Variants in TMOD3 observed in about 807,000 individuals in gnomAD.
TMOD3 encodes tropomodulin 3.
TMOD3 carries 20 observed loss-of-function variants against 39.2 expected under a neutral mutation model. That is an observed-to-expected ratio of 0.51 (90% CI 0.36 to 0.74). The LOEUF is 0.74. Ranked by LOEUF, TMOD3 falls within the 30% of genes least tolerant of loss-of-function variation. The pLI is 0.00. For synonymous variants in TMOD3, 143 were observed against 145.8 expected (o/e 0.98, Z 0.14); for missense variants, 381 against 412.8 (o/e 0.92, Z 0.67).
intron 1 of TMOD3, among the ~76,000 whole-genome samples, chr15:51,852,622 C>A (rs2056368075): frequency 6.6e-6 from 1 of 152,010 alleles, no homozygotes; most frequent in African/African-American, 2.4e-5. Context: ...TTTTCAGCCC[C>A]CCCTTTAGTT....
chr15:51,861,906 G>A lies in TMOD3; in HGVS notation c.-74-905G>A, dbSNP rs903904278. ...GATTCACCTGCCTCGGACTCCCAAC[G>A]TTCTGGGATTACAGATGTGAGTCAC... On this transcript the variant is annotated intron_variant, in intron 1 of 9. Transcript: ENST00000308580. Among the ~76,000 whole-genome samples the A allele has an allele frequency of 9.2e-5, 14 of 152,164 alleles. No homozygotes were observed. In the South Asian group the frequency reaches 2.7e-3, roughly 29 times the overall value.
Position 51,893,907 on chromosome 15 carries a change from G to A in TMOD3, c.589G>A (p.Asp197Asn), listed in dbSNP as rs765284092. The A allele has an allele frequency of 3.2e-5, 51 of 1,607,662 alleles. No homozygotes were observed. The highest frequency in any genetic ancestry group is 4.0e-5 in the African/African-American group (3 of 74,730). Residue 197 changes from aspartate to asparagine, a missense_variant, in exon 6 of 10, where the codon GAT becomes AAT. Transcript: ENST00000308580. ...EESLKRTKENDAHLVEVNLNN... is the reference protein window; with the variant it reads ...EESLKRTKENNAHLVEVNLNN... ...GAGTTTGAAGAGAACTAAAGAAAACGATGCTCATCTTGTTGAAGTTAATTT... is the reference window on the plus strand; with the variant it reads ...GAGTTTGAAGAGAACTAAAGAAAACAATGCTCATCTTGTTGAAGTTAATTT...
intron 9 of TMOD3, among the ~76,000 whole-genome samples, 184 bp downstream of exon 9, chr15:51,902,220 G>A (rs184854430): frequency 2.7e-3 from 405 of 152,192 alleles, no homozygotes; most frequent in African/African-American, 9.3e-3. Context: ...TGATGATTGG[G>A]TCAATGGGTA....
At chr15:51,896,143 G>A (rs1179598755) in intron 6 of TMOD3, among the ~76,000 whole-genome samples, 1 of 152,054 alleles carries the variant, frequency 6.6e-6, no homozygotes, top group Non-Finnish European at 1.5e-5. Context: ...ATAATGAAAG[G>A]TGAGAATAAT....
intron 1 of TMOD3, 60 bp from the exon 2 acceptor site, chr15:51,862,751 A>T: frequency 1.4e-6 from 1 of 719,358 alleles, no homozygotes; most frequent in Non-Finnish European, 2.1e-6. Flanking sequence ...CCTGAGAATT[A>T]GATCTAAGTA....
chr15:51,900,387 G>A (rs1871422684), intron 8 of TMOD3, 89 bp downstream of exon 8: 5 of 1,466,668 alleles, frequency 3.4e-6, no homozygotes, highest in Non-Finnish European at 3.7e-6. Context: ...TGGGAGGCGG[G>A]CTGTCAGGGA....
chr15:51,902,115 T>C, intron 9 of TMOD3, 79 bp downstream of exon 9: 1 of 1,533,620 alleles, frequency 6.5e-7, no homozygotes, highest in Non-Finnish European at 8.9e-7. Flanking sequence ...CTCTTAAGAA[T>C]AAATTCTAAC....
intron 1 of TMOD3, among the ~76,000 whole-genome samples, chr15:51,839,128 T>C (rs1850697593): frequency 6.8e-6 from 1 of 147,796 alleles, no homozygotes; most frequent in South Asian, 2.1e-4. Flanking sequence ...GTTCCCTGCA[T>C]CTGGCAGATT....
Position 51,900,098 on chromosome 15 carries a change from ATATG to A in TMOD3, c.736-54_736-51del, listed in dbSNP as rs1272150904. 7 of 1,511,192 alleles carry A rather than the reference ATATG, an allele frequency of 4.6e-6. No individual in the cohort carries two copies. In the Admixed American group the frequency reaches 5.4e-5, roughly 12 times the overall value. The allele number at this position is 1,511,192 out of a possible 1,614,324, so 93.6% of individuals were successfully genotyped here. On this transcript the variant is annotated intron_variant, in intron 7 of 9. Coordinates refer to ENST00000308580, the MANE Select transcript of TMOD3 (RefSeq NM_014547.5). ...AATGTATTTATTTATGGCATGTACAATATGTAGTAGGTACTGTATCAAATTTTAA... is the reference window on the plus strand; with the variant it reads ...AATGTATTTATTTATGGCATGTACAATAGTAGGTACTGTATCAAATTTTAA...
intron 1 of TMOD3, among the ~76,000 whole-genome samples, chr15:51,852,162 C>T (rs1398837008): frequency 2.6e-5 from 4 of 152,040 alleles, no homozygotes; most frequent in African/African-American, 9.7e-5. Flanking sequence ...TAATTCATGG[C>T]GTAGGAAATG....
intron 3 of TMOD3, among the ~76,000 whole-genome samples, chr15:51,881,527 G>A (rs549469718): frequency 5.3e-5 from 8 of 150,224 alleles, no homozygotes; most frequent in Non-Finnish European, 1.2e-4. Flanking sequence ...TCAAGGTCAC[G>A]GAGATACAAT....
intron 7 of TMOD3, among the ~76,000 whole-genome samples, chr15:51,896,883 A>G (rs1340201353): frequency 6.6e-6 from 1 of 152,256 alleles, no homozygotes; most frequent in African/African-American, 2.4e-5. Flanking sequence ...GATTCCATTT[A>G]TGGATCCTTA....
chr15:51,906,609 T>C (rs1704477205), intron 9 of TMOD3, among the ~76,000 whole-genome samples: 1 of 152,248 alleles, frequency 6.6e-6, no homozygotes, highest in South Asian at 2.1e-4. Flanking sequence ...CTTTTTTGTT[T>C]GCTGCACTCT....
chr15:51,887,555 A>G (rs774512010), intron 3 of TMOD3, 34 bp from the exon 4 acceptor site: 1 of 1,602,638 alleles, frequency 6.2e-7, no homozygotes, highest in Non-Finnish European at 8.5e-7. Flanking sequence ...TGATAGCAGT[A>G]GTAATGGAAT....
At chr15:51,853,332 C>T (rs1160215276) in intron 1 of TMOD3, among the ~76,000 whole-genome samples, 1 of 152,140 alleles carries the variant, frequency 6.6e-6, no homozygotes, top group African/African-American at 2.4e-5. Flanking sequence ...CTCCTACTAG[C>T]TGGGCCTACA....
intron 2 of TMOD3, among the ~76,000 whole-genome samples, chr15:51,868,033 T>C (rs1245222106): frequency 6.6e-6 from 1 of 152,184 alleles, no homozygotes; most frequent in African/African-American, 2.4e-5. Context: ...GAAACAATGA[T>C]AGTGATTGTA....
intron 2 of TMOD3, among the ~76,000 whole-genome samples, chr15:51,866,005 A>T (rs145925410): frequency 2.9e-3 from 441 of 152,308 alleles, no homozygotes; most frequent in South Asian, 6.2e-3. Context: ...TGCAAGAGAG[A>T]AACGTGTCAT....
At chr15:51,906,411 T>A (rs1201621959) in intron 9 of TMOD3, among the ~76,000 whole-genome samples, 1 of 152,194 alleles carries the variant, frequency 6.6e-6, no homozygotes. Flanking sequence ...CATCGTTCCC[T>A]CTCTCATTGT....
intron 2 of TMOD3, among the ~76,000 whole-genome samples, chr15:51,867,416 T>A (rs1352751870): frequency 6.6e-6 from 1 of 152,234 alleles, no homozygotes; most frequent in Non-Finnish European, 1.5e-5. Context: ...TAAACAATTT[T>A]GTATTACAGA....
Sources: gnomAD v4.1 joint callset for allele counts (sites outside exome capture counted in the v4.1 genomes callset) on GRCh38, gnomAD v4.1.1 for gene constraint, MANE v1.5 for transcripts, NCBI Gene and HGNC (gene_info 2026-07-23, HGNC 2026-07-21) for gene names.